CTNNA3: variants seen among roughly 807,000 people sequenced by gnomAD.
The protein encoded by CTNNA3 is catenin alpha-3.
CTNNA3 carries 76 observed loss-of-function variants against 95.7 expected under a neutral mutation model. The observed-to-expected ratio is 0.79, with a 90% CI of 0.66 to 0.96. The LOEUF (loss-of-function observed/expected upper bound fraction) is 0.96, where lower values mean the gene tolerates loss of function less well. CTNNA3 is among the 40% of genes least tolerant of loss of function. The probability of loss-of-function intolerance (pLI) is 0.00; values close to 1 mark genes in which losing one functional copy is unlikely to be tolerated. For synonymous variants in CTNNA3, 431 were observed against 374.4 expected (o/e 1.15, Z -1.74); for missense variants, 1,191 against 1,089.8 (o/e 1.09, Z -1.31).
intron 5 of CTNNA3, among the ~76,000 whole-genome samples, chr10:67,411,336 A>G (rs1464890786): frequency 1.3e-5 from 2 of 152,134 alleles, no homozygotes; most frequent in Non-Finnish European, 2.9e-5. Context: ...TTTGTCAAGT[A>G]AAAATTTTTA....
intron 11 of CTNNA3, among the ~76,000 whole-genome samples, chr10:66,494,324 T>C (rs1911341): frequency 0.15 from 23,547 of 152,174 alleles, 3,682 homozygotes; most frequent in East Asian, 0.77. Context: ...GTCCGATTAA[T>C]CAGTTGAAGA....
intron 15 of CTNNA3, among the ~76,000 whole-genome samples, chr10:66,033,017 A>G (rs1002126913): frequency 1.3e-5 from 2 of 152,054 alleles, no homozygotes; most frequent in African/African-American, 4.8e-5. Context: ...TTTCATTCTG[A>G]TGCTTGGGCT....
At chr10:66,972,270 T>C (rs1298821911) in intron 7 of CTNNA3, among the ~76,000 whole-genome samples, 2 of 152,198 alleles carry the variant, frequency 1.3e-5, no homozygotes, top group African/African-American at 4.8e-5. Context: ...TTCAACTCCT[T>C]TACCCACATG....
At chr10:66,245,354 G>A (rs1010943871) in intron 13 of CTNNA3, among the ~76,000 whole-genome samples, 2 of 152,180 alleles carry the variant, frequency 1.3e-5, no homozygotes, top group Non-Finnish European at 2.9e-5. Context: ...GGAGCTCCCA[G>A]GTCTGGGATC....
intron 13 of CTNNA3, among the ~76,000 whole-genome samples, chr10:66,189,617 T>TATATATATATATATATATATATATACAC (rs151078010): frequency 1.4e-5 from 2 of 140,358 alleles, no homozygotes; most frequent in African/African-American, 2.8e-5. Context: ...TATATATATA[T>TATATATATATATATATATATATATACAC]ACACACATAC....
intron 1 of CTNNA3, among the ~76,000 whole-genome samples, chr10:67,725,425 C>T (rs1841203679): frequency 6.6e-6 from 1 of 152,120 alleles, no homozygotes. Flanking sequence ...GATTCGCCCA[C>T]CTCGGCCTCC....
At chr10:67,595,680 T>C (rs1453680907) in intron 3 of CTNNA3, among the ~76,000 whole-genome samples, 1 of 152,196 alleles carries the variant, frequency 6.6e-6, no homozygotes, top group Non-Finnish European at 1.5e-5. Flanking sequence ...GTTTTGAATA[T>C]CTTTGTTAGT....
intron 9 of CTNNA3, among the ~76,000 whole-genome samples, chr10:66,642,120 G>A (rs1466067707): frequency 6.6e-6 from 1 of 152,040 alleles, no homozygotes; most frequent in Non-Finnish European, 1.5e-5. Flanking sequence ...ACTTCCAGAT[G>A]TTCTTTGGGT....
At chr10:66,531,087 G>T (rs1163397345) in intron 10 of CTNNA3, among the ~76,000 whole-genome samples, 1 of 152,056 alleles carries the variant, frequency 6.6e-6, no homozygotes, top group African/African-American at 2.4e-5. Flanking sequence ...TTATTTTACT[G>T]TCTTTTACAC....
chr10:66,668,356 T>A (rs1846531992), intron 9 of CTNNA3, among the ~76,000 whole-genome samples: 1 of 151,842 alleles, frequency 6.6e-6, no homozygotes, highest in Admixed American at 6.6e-5. Flanking sequence ...TTTCACAAAT[T>A]AAAATCATTT....
intron 7 of CTNNA3, chr10:66,926,555 C>A: frequency 1.9e-6 from 3 of 1,613,706 alleles, no homozygotes; most frequent in Non-Finnish European, 2.5e-6. Context: ...AGCAAAAGAC[C>A]TAAGGACGAC....
intron 11 of CTNNA3, among the ~76,000 whole-genome samples, chr10:66,502,405 A>G (rs568186993): frequency 6.6e-6 from 1 of 152,240 alleles, no homozygotes; most frequent in African/African-American, 2.4e-5. Context: ...GAGATCATAA[A>G]ATATAGAAAA....
In CTNNA3 at chr10:66,795,919, A is replaced by T. The variant is rs2132218328; in HGVS notation, c.1048-20395T>A. On this transcript the variant is annotated intron_variant, in intron 7 of 17. Transcript: ENST00000433211. ...CCAACTTTTCTTCCGCAGCATCCTC[A>T]CATTTCTCAGCTTTCATAAAATCAG... Among the ~76,000 whole-genome samples, 2 of 152,156 alleles carry T rather than the reference A, an allele frequency of 1.3e-5. 1 individual carries two copies. The highest frequency in any genetic ancestry group is 1.3e-4 in the Admixed American group (2 of 15,256).
chr10:67,060,328 T>C (rs1223408715), intron 7 of CTNNA3, among the ~76,000 whole-genome samples: 1 of 152,060 alleles, frequency 6.6e-6, no homozygotes, highest in African/African-American at 2.4e-5. Context: ...AAAGTCTTTT[T>C]AAAAAAATTC....
chr10:66,995,412 TAGC>T (rs1198688581), intron 7 of CTNNA3, among the ~76,000 whole-genome samples: 6 of 152,292 alleles, frequency 3.9e-5, no homozygotes, highest in Admixed American at 3.3e-4. Context: ...TGGCCCATGG[TAGC>T]AGTCAGCTAG....
intron 6 of CTNNA3, among the ~76,000 whole-genome samples, chr10:67,186,668 A>C (rs1862863736): frequency 6.6e-6 from 1 of 152,240 alleles, no homozygotes; most frequent in Non-Finnish European, 1.5e-5. Context: ...GATGCACAAT[A>C]GCTATGTTAA....
At chr10:66,475,097 G>T (rs1839276973) in intron 11 of CTNNA3, among the ~76,000 whole-genome samples, 1 of 151,870 alleles carries the variant, frequency 6.6e-6, no homozygotes, top group Non-Finnish European at 1.5e-5. Context: ...TGTAACTTAA[G>T]TTGTTGATTT....
rs547623859 is a variant in CTNNA3 at position 67,438,723 on chromosome 10, A to T, written c.579+83119T>A. On this transcript the variant is annotated intron_variant, in intron 5 of 17. Coordinates refer to ENST00000433211, the MANE Select transcript of CTNNA3 (RefSeq NM_013266.4). ...CAGTGACCATCTGGCACAGAGAGAG[A>T]ATCTGTGCACAAGGGGGTGGAAGAG... Among the ~76,000 whole-genome samples the T allele has an allele frequency of 2.6e-5, 4 of 152,294 alleles. No homozygotes were observed. In the East Asian group the frequency reaches 7.7e-4, roughly 29 times the overall value.
Position 66,766,335 on chromosome 10 carries a change from T to C in CTNNA3, c.1210A>G (p.Lys404Glu). 1.2e-6 allele frequency: 2 copies of C among 1,613,900 alleles called. No individual in the cohort carries two copies. Among genetic ancestry groups the C allele is most frequent in the Non-Finnish European group, 1.7e-6 (2 of 1,179,848 alleles). The stretch of plus-strand genomic sequence containing the variant: ...TTTATTTCCTTTTCCCGGCCATTCT[T>C]AGCAGCTTCAATGAGAACCAAAAGA... ...VPLLVLIEAAKNGREKEIKEY... is the reference protein window; with the variant it reads ...VPLLVLIEAAENGREKEIKEY... Residue 404 changes from lysine to glutamate, a missense_variant, in exon 9 of 18, where the codon AAG (lysine) becomes GAG (glutamate). By Grantham distance (56) the Lys-to-Glu change is moderately conservative. Coordinates refer to ENST00000433211, the MANE Select transcript of CTNNA3 (RefSeq NM_013266.4).
Sources: gnomAD v4.1 joint callset for allele counts (sites outside exome capture counted in the v4.1 genomes callset) on GRCh38, gnomAD v4.1.1 for gene constraint, MANE v1.5 for transcripts, NCBI Gene and HGNC (gene_info 2026-07-23, HGNC 2026-07-21) for gene names.